The following KIAA0319 variants were observed in gnomAD, a reference collection of about 807,000 sequenced individuals.
KIAA0319 encodes the protein dyslexia-associated protein KIAA0319.
Under a neutral mutation model 108.4 loss-of-function variants are expected in KIAA0319, and 83 were observed. That is an observed-to-expected ratio of 0.77 (90% CI 0.64 to 0.92). The LOEUF is 0.92. Among genes scored for constraint, KIAA0319 ranks in the 40% least tolerant of loss-of-function variants. The probability of loss-of-function intolerance (pLI) is 0.00; values close to 1 mark genes in which losing one functional copy is unlikely to be tolerated. For synonymous variants in KIAA0319, 484 were observed against 510.4 expected, an observed-to-expected ratio of 0.95 and a Z score of 0.70; for missense variants, 1,195 against 1,322.4, an observed-to-expected ratio of 0.90 and a Z score of 1.49.
At chr6:24,558,258 C>G (rs1387672567) in intron 17 of KIAA0319, among the ~76,000 whole-genome samples, 1 of 148,040 alleles carries the variant, frequency 6.8e-6, no homozygotes, top group Admixed American at 6.7e-5. Flanking sequence ...CTAAGGCCAT[C>G]TCTACTAAAA....
intron 20 of KIAA0319, among the ~76,000 whole-genome samples, chr6:24,549,286 A>C (rs1306632166): frequency 7.2e-6 from 1 of 138,582 alleles, no homozygotes; most frequent in African/African-American, 2.7e-5. Context: ...AGATTGCACC[A>C]CTGCATTCCA....
chr6:24,574,549 C>G (rs905901581), intron 10 of KIAA0319, among the ~76,000 whole-genome samples: 1 of 151,968 alleles, frequency 6.6e-6, no homozygotes, highest in African/African-American at 2.4e-5. Context: ...AGGTTAATAC[C>G]CTTTCTTTTT....
At chr6:24,544,069 G>A (rs1325422309), downstream of KIAA0319, 1 of 152,168 alleles carries the variant, frequency 6.6e-6, no homozygotes, top group African/African-American at 2.4e-5. Flanking sequence ...TGTAACATAA[G>A]AACAGCCATA....
intron 19 of KIAA0319, 102 bp from the exon 20 acceptor site, chr6:24,551,627 ATGAT>A: frequency 1.3e-6 from 1 of 786,844 alleles, no homozygotes; most frequent in Non-Finnish European, 2.1e-6. Context: ...TTTTGCCTTT[ATGAT>A]GTGATAGTTG....
At chr6:24,580,530 T>C (rs965735884) in intron 7 of KIAA0319, among the ~76,000 whole-genome samples, 5 of 152,168 alleles carry the variant, frequency 3.3e-5, no homozygotes, top group Admixed American at 6.5e-5. Context: ...TTCACATGAA[T>C]GCACTGACCG....
At chr6:24,559,189 T>A (rs1250128624) in intron 16 of KIAA0319, 34 bp from the exon 17 acceptor site, 2 of 1,605,238 alleles carry the variant, frequency 1.2e-6, no homozygotes, top group African/African-American at 1.3e-5. Flanking sequence ...GACAGCCACA[T>A]GGTCAGATGG....
intron 1 of KIAA0319, among the ~76,000 whole-genome samples, chr6:24,639,817 A>G (rs1426397934): frequency 6.8e-6 from 1 of 148,106 alleles, no homozygotes; most frequent in Non-Finnish European, 1.5e-5. Flanking sequence ...ATTTCACTCC[A>G]GTCTGGGTGA....
chr6:24,580,638 T>C (rs1168839295), intron 7 of KIAA0319, among the ~76,000 whole-genome samples: 1 of 151,684 alleles, frequency 6.6e-6, no homozygotes, highest in East Asian at 1.9e-4. Context: ...AGAGTGGAGG[T>C]AGAAGTTAGA....
chr6:24,594,198 CAAAAAAAAAAAAAAAAAAAAAAAA>C (rs761107947), intron 3 of KIAA0319, among the ~76,000 whole-genome samples: 322 of 54,328 alleles, frequency 5.9e-3, no homozygotes, highest in African/African-American at 0.021. Flanking sequence ...GACTCTGTCT[CAAAAAAAAAAAAAAAAAAAAAAAA>C]AAAAAAAAAA....
intron 19 of KIAA0319, 143 bp downstream of exon 19, chr6:24,554,398 T>C (rs1762006011): frequency 6.1e-6 from 4 of 652,152 alleles, no homozygotes; most frequent in South Asian, 1.9e-5. Context: ...TCCATTTATT[T>C]AGGCACTTAT....
intron 18 of KIAA0319, 44 bp downstream of exon 18, chr6:24,556,563 C>T: frequency 6.2e-7 from 1 of 1,601,358 alleles, no homozygotes; most frequent in Non-Finnish European, 8.5e-7. Flanking sequence ...GAATGAGCTG[C>T]CTTAAGGCTC....
intron 2 of KIAA0319, chr6:24,600,629 C>A (rs1198575787): frequency 1.3e-6 from 2 of 1,528,692 alleles, no homozygotes; most frequent in Non-Finnish European, 1.8e-6. Context: ...ATGGGCTCGG[C>A]CAGCCCAGTC....
At position 24,559,114 on chromosome 6, in the gene KIAA0319, T is replaced by C. The variant is rs879056950; in HGVS notation, c.2633A>G (p.Lys878Arg). The C allele has an allele frequency of 6.2e-7, 1 of 1,613,718 alleles. No homozygotes were observed. The highest frequency in any genetic ancestry group is 8.5e-7 in the Non-Finnish European group (1 of 1,180,022). ...GGCCACTTCAGCAGCTTTGAGAACC[T>C]TGAAAGGCGGCCTGCTCTGTACATA... ...VFYVQSRPPF[K>R]VLKAAEVARN... Residue 878 changes from lysine to arginine, a missense_variant, in exon 17 of 21, where the codon AAG becomes AGG. Lys to Arg is a conservative substitution (Grantham distance 26). Transcript: ENST00000378214.
chr6:24,576,558 G>A lies in KIAA0319; in HGVS notation c.1544C>T (p.Thr515Ile), dbSNP rs748412638. 2.5e-6 allele frequency: 4 copies of A among 1,614,158 alleles called. No homozygotes were observed. Among genetic ancestry groups the A allele is most frequent in the Non-Finnish European group, 2.5e-6 (3 of 1,180,006 alleles). ...VTDSDGATNS[T>I]TAALIVNNAV... is the part of the protein sequence containing the mutation. ...ATTGTTCACTATTAGGGCTGCAGTT[G>A]TAGAGTTAGTGGCTCCGTCCGAGTC... is the stretch of plus-strand genomic sequence containing the variant. The change falls in exon 10 of 21, where the codon ACA becomes ATA. Residue 515 changes from threonine to isoleucine, a missense_variant. By Grantham distance (89) the Thr-to-Ile change is moderately conservative (BLOSUM62 -1). Transcript: ENST00000378214.
intron 1 of KIAA0319, among the ~76,000 whole-genome samples, chr6:24,611,644 G>C (rs1203378868): frequency 1.3e-5 from 2 of 152,114 alleles, no homozygotes; most frequent in African/African-American, 2.4e-5. Flanking sequence ...TGCAGACAAA[G>C]GATAATTTCC....
intron 1 of KIAA0319, among the ~76,000 whole-genome samples, chr6:24,636,339 C>G (rs566788883): frequency 6.6e-6 from 1 of 152,108 alleles, no homozygotes; most frequent in African/African-American, 2.4e-5. Context: ...CACTTTGGAA[C>G]GGGATATACA....
chr6:24,602,792 C>T (rs933476315), intron 1 of KIAA0319, among the ~76,000 whole-genome samples: 9 of 150,032 alleles, frequency 6.0e-5, no homozygotes, highest in Non-Finnish European at 1.2e-4. Context: ...CACAGCGAGA[C>T]CCCGTCTCAA....
chr6:24,609,205 G>A (rs930895217), intron 1 of KIAA0319, among the ~76,000 whole-genome samples: 2 of 145,334 alleles, frequency 1.4e-5, no homozygotes, highest in African/African-American at 5.1e-5. Flanking sequence ...AAGGTAGAGG[G>A]TGCAGTGAGC....
At chr6:24,637,189 G>A (rs773347893) in intron 1 of KIAA0319, among the ~76,000 whole-genome samples, 2 of 152,224 alleles carry the variant, frequency 1.3e-5, no homozygotes, top group Non-Finnish European at 2.9e-5. Flanking sequence ...CAAAAGCAAA[G>A]GTCATGGCAA....
Sources: gnomAD v4.1 joint callset for allele counts (sites outside exome capture counted in the v4.1 genomes callset) on GRCh38, gnomAD v4.1.1 for gene constraint, MANE v1.5 for transcripts, NCBI Gene and HGNC (gene_info 2026-07-23, HGNC 2026-07-21) for gene names.